EPHA6: variants seen among roughly 807,000 people sequenced by gnomAD.
The protein encoded by EPHA6 is EPH receptor A6.
EPHA6 carries 50 observed loss-of-function variants against 112.0 expected under a neutral mutation model. That is an observed-to-expected ratio of 0.45 (90% CI 0.36 to 0.56). The LOEUF is 0.56. Ranked by LOEUF, EPHA6 falls within the 20% of genes least tolerant of loss-of-function variation. The probability of loss-of-function intolerance (pLI) is 0.00; values close to 1 mark genes in which losing one functional copy is unlikely to be tolerated. For synonymous variants in EPHA6, 529 were observed against 490.7 expected (o/e 1.08, Z -1.03); for missense variants, 1,280 against 1,417.4 (o/e 0.90, Z 1.56).
intron 10 of EPHA6, among the ~76,000 whole-genome samples, chr3:97,514,459 G>A (rs1323115772): frequency 6.6e-6 from 1 of 151,762 alleles, no homozygotes; most frequent in African/African-American, 2.4e-5. Context: ...AGTCTTTTTT[G>A]CTAAACATGG....
At chr3:97,451,594 A>T (rs1446594837) in intron 7 of EPHA6, among the ~76,000 whole-genome samples, 13 of 82,216 alleles carry the variant, frequency 1.6e-4, no homozygotes, top group Admixed American at 1.4e-3. Flanking sequence ...AGGATCATTA[A>T]AAAAAAAAAA....
chr3:97,076,277 A>C (rs746211307), intron 3 of EPHA6, among the ~76,000 whole-genome samples: 3 of 152,332 alleles, frequency 2.0e-5, no homozygotes, highest in Middle Eastern at 3.4e-3. Context: ...AAACACACAA[A>C]TGATAAGAAA....
intron 1 of EPHA6, among the ~76,000 whole-genome samples, chr3:96,865,246 A>G (rs561937221): frequency 3.3e-5 from 5 of 152,132 alleles, no homozygotes; most frequent in Non-Finnish European, 7.4e-5. Flanking sequence ...CAGGAATTTA[A>G]GGATACTTTC....
intron 2 of EPHA6, among the ~76,000 whole-genome samples, chr3:96,894,131 A>T (rs78750695): frequency 0.028 from 4,254 of 152,206 alleles, 198 homozygotes; most frequent in African/African-American, 0.095. Flanking sequence ...TGGGCTACAT[A>T]TTGAATTCAT....
intron 12 of EPHA6, among the ~76,000 whole-genome samples, chr3:97,607,524 T>A (rs2093688965): frequency 1.3e-5 from 2 of 151,264 alleles, no homozygotes; most frequent in Admixed American, 1.3e-4. Flanking sequence ...AAATGCAGTT[T>A]AAAATATTCA....
chr3:97,552,284 CAT>C (rs1194570165), intron 11 of EPHA6, among the ~76,000 whole-genome samples: 1 of 152,098 alleles, frequency 6.6e-6, no homozygotes, highest in East Asian at 1.9e-4. Flanking sequence ...GTGTAGTCTC[CAT>C]ATCTTTGCTA....
At chr3:96,816,431 G>T (rs542667175) in intron 1 of EPHA6, among the ~76,000 whole-genome samples, 1 of 151,954 alleles carries the variant, frequency 6.6e-6, no homozygotes, top group Non-Finnish European at 1.5e-5. Context: ...AAAGACTGTG[G>T]GTATAAAATA....
intron 3 of EPHA6, among the ~76,000 whole-genome samples, chr3:97,221,859 G>A (rs565409660): frequency 3.1e-4 from 47 of 152,010 alleles, no homozygotes; most frequent in South Asian, 2.5e-3. Flanking sequence ...GGTGAAACCC[G>A]ATCTCTACTG....
At chr3:97,396,361 A>C (rs1443978830) in intron 5 of EPHA6, among the ~76,000 whole-genome samples, 1 of 149,298 alleles carries the variant, frequency 6.7e-6, no homozygotes, top group Non-Finnish European at 1.5e-5. Context: ...AGCATTATTT[A>C]ATACAGTTTT....
chr3:96,940,528 C>G (rs1366188658), intron 2 of EPHA6, among the ~76,000 whole-genome samples: 2 of 152,164 alleles, frequency 1.3e-5, no homozygotes, highest in African/African-American at 4.8e-5. Context: ...ATACAGCACA[C>G]TGATGGGTCT....
At chr3:97,034,463 A>T (rs1278667784) in intron 3 of EPHA6, among the ~76,000 whole-genome samples, 1 of 151,906 alleles carries the variant, frequency 6.6e-6, no homozygotes, top group Non-Finnish European at 1.5e-5. Context: ...GTCCATGAAA[A>T]CACCATTGTG....
intron 2 of EPHA6, among the ~76,000 whole-genome samples, chr3:96,973,649 C>T (rs1271277807): frequency 1.3e-5 from 2 of 150,766 alleles, no homozygotes; most frequent in African/African-American, 2.4e-5. Context: ...CATGGTGAAA[C>T]CCTGTCTCTA....
chr3:97,630,931 C>G (rs2107533936), intron 13 of EPHA6, among the ~76,000 whole-genome samples: 1 of 152,076 alleles, frequency 6.6e-6, no homozygotes, highest in African/African-American at 2.4e-5. Context: ...TCTTTTTCCA[C>G]CTTATAAAAC....
At chr3:97,630,633 A>AGAC (rs1452755869) in intron 13 of EPHA6, among the ~76,000 whole-genome samples, 1 of 152,010 alleles carries the variant, frequency 6.6e-6, no homozygotes, top group Non-Finnish European at 1.5e-5. Context: ...TTTCTTTTAA[A>AGAC]GACATTTCTG....
chr3:97,586,724 G>GAATAGACAGACA (rs1560164307), intron 11 of EPHA6, among the ~76,000 whole-genome samples: 1 of 117,178 alleles, frequency 8.5e-6, no homozygotes, highest in Admixed American at 9.1e-5. Context: ...ATGGATGGAT[G>GAATAGACAGACA]GATAGACAGA....
intron 5 of EPHA6, among the ~76,000 whole-genome samples, chr3:97,361,655 C>A (rs1021390875): frequency 2.6e-5 from 4 of 152,126 alleles, no homozygotes; most frequent in African/African-American, 9.7e-5. Context: ...TAGCTGGCAT[C>A]TATCTTTTTA....
At chr3:96,967,134 T>TG (rs2042149823) in intron 2 of EPHA6, among the ~76,000 whole-genome samples, 1 of 151,482 alleles carries the variant, frequency 6.6e-6, no homozygotes, top group Middle Eastern at 3.2e-3. Flanking sequence ...TTTCAGGTTT[T>TG]GAAGAGAACT....
At chr3:97,062,136 T>C (rs572784339) in intron 3 of EPHA6, among the ~76,000 whole-genome samples, 41 of 152,098 alleles carry the variant, frequency 2.7e-4, no homozygotes, top group Middle Eastern at 6.8e-3. Context: ...GAATACAGAG[T>C]GACACATTAT....
intron 3 of EPHA6, among the ~76,000 whole-genome samples, chr3:97,218,888 A>G (rs1460248428): frequency 6.6e-6 from 1 of 152,186 alleles, no homozygotes; most frequent in Non-Finnish European, 1.5e-5. Context: ...GTTTCTAGAT[A>G]CAATAGGGGT....
Sources: gnomAD v4.1 joint callset for allele counts (sites outside exome capture counted in the v4.1 genomes callset) on GRCh38, gnomAD v4.1.1 for gene constraint, MANE v1.5 for transcripts, NCBI Gene and HGNC (gene_info 2026-07-23, HGNC 2026-07-21) for gene names.